Variants in KCNMA1 observed in about 807,000 individuals in gnomAD.
KCNMA1 encodes Calcium-activated potassium channel subunit alpha-1.
A neutral mutation model predicts 140.0 loss-of-function variants in KCNMA1; 29 were observed. The observed-to-expected ratio is 0.21, with a 90% CI of 0.15 to 0.28. The LOEUF is 0.28. Among genes scored for constraint, KCNMA1 ranks in the 10% least tolerant of loss-of-function variants. The pLI, the probability that KCNMA1 is intolerant of heterozygous loss-of-function variation, is 1.00. For synonymous variants in KCNMA1, 612 were observed against 611.9 expected (o/e 1.00, Z 0.00); for missense variants, 880 against 1,602.2 (o/e 0.55, Z 7.70).
chr10:76,961,093 A>G (rs1035512206), intron 20 of KCNMA1, among the ~76,000 whole-genome samples: 2 of 151,562 alleles, frequency 1.3e-5, no homozygotes, highest in Non-Finnish European at 2.9e-5. Flanking sequence ...TGCCATAGTG[A>G]TTCCTTTGAT....
At chr10:77,177,524 T>C (rs1259846576) in intron 5 of KCNMA1, among the ~76,000 whole-genome samples, 1 of 151,868 alleles carries the variant, frequency 6.6e-6, no homozygotes, top group Non-Finnish European at 1.5e-5. Context: ...TTCTTTTCTT[T>C]AGCAGGGTCT....
chr10:76,971,566 G>T (rs1406504216), intron 19 of KCNMA1, among the ~76,000 whole-genome samples: 2 of 152,102 alleles, frequency 1.3e-5, no homozygotes, highest in Non-Finnish European at 2.9e-5. Context: ...GTGGTGTAAG[G>T]TGAGAGTGAG....
downstream of KCNMA1, among the ~76,000 whole-genome samples, chr10:76,881,547 T>G (rs1330101668): frequency 6.6e-6 from 1 of 152,140 alleles, no homozygotes; most frequent in Non-Finnish European, 1.5e-5. Flanking sequence ...CTGAAGCTGT[T>G]GTGAGGATTG....
chr10:77,636,300 C>T, intron 1 of KCNMA1: 2 of 1,493,646 alleles, frequency 1.3e-6, no homozygotes, highest in Non-Finnish European at 8.9e-7. Flanking sequence ...TCTAGGGACA[C>T]GACTACAGAC....
chr10:77,069,836 G>A (rs1201547213), intron 14 of KCNMA1, among the ~76,000 whole-genome samples: 3 of 151,958 alleles, frequency 2.0e-5, no homozygotes, highest in Non-Finnish European at 2.9e-5. Context: ...TTTTGGAGAC[G>A]GGGTCTTCTT....
At chr10:77,054,222 C>T (rs2095469899) in intron 14 of KCNMA1, among the ~76,000 whole-genome samples, 1 of 152,122 alleles carries the variant, frequency 6.6e-6, no homozygotes, top group Non-Finnish European at 1.5e-5. Flanking sequence ...CCTCTCTAGC[C>T]TATTTAAGGA....
At chr10:77,219,601 TTTG>T (rs977490405) in intron 3 of KCNMA1, among the ~76,000 whole-genome samples, 1 of 152,272 alleles carries the variant, frequency 6.6e-6, no homozygotes, top group African/African-American at 2.4e-5. Flanking sequence ...TCAAATGTCC[TTTG>T]TTGTTGTTGT....
chr10:77,071,736 G>A (rs1284174768), intron 14 of KCNMA1: 1 of 152,168 alleles, frequency 6.6e-6, no homozygotes, highest in Non-Finnish European at 1.5e-5. Context: ...GAGCATAGGA[G>A]GATTTTTTAA....
At chr10:77,157,358 T>C (rs2098499868) in intron 5 of KCNMA1, among the ~76,000 whole-genome samples, 1 of 152,182 alleles carries the variant, frequency 6.6e-6, no homozygotes, top group African/African-American at 2.4e-5. Context: ...AAGTTCATTT[T>C]ATATAAATTT....
At chr10:77,084,797 A>G in intron 11 of KCNMA1, 78 bp from the exon 12 acceptor site, 1 of 1,000,872 alleles carries the variant, frequency 1.0e-6, no homozygotes, top group Non-Finnish European at 1.6e-6. Flanking sequence ...CTCTGTTGAC[A>G]GCTTCTTGGG....
intron 9 of KCNMA1, among the ~76,000 whole-genome samples, chr10:77,106,307 G>A (rs902700776): frequency 1.3e-5 from 2 of 152,060 alleles, no homozygotes; most frequent in East Asian, 1.9e-4. Context: ...GGCTAAAAGC[G>A]GTGATAAAAG....
intron 1 of KCNMA1, among the ~76,000 whole-genome samples, chr10:77,606,860 A>C (rs2084741566): frequency 6.6e-6 from 1 of 152,036 alleles, no homozygotes; most frequent in Admixed American, 6.6e-5. Context: ...ACACCATACA[A>C]AGAACCCCTC....
intron 2 of KCNMA1, among the ~76,000 whole-genome samples, chr10:77,307,951 A>C (rs2078240088): frequency 6.6e-6 from 1 of 152,186 alleles, no homozygotes; most frequent in South Asian, 2.1e-4. Context: ...GCTTAGATTC[A>C]ATTTGGAATC....
chr10:77,636,128 T>G, intron 1 of KCNMA1: 1 of 1,124,614 alleles, frequency 8.9e-7, no homozygotes, highest in Middle Eastern at 3.2e-4. Flanking sequence ...TTCCCTTCCC[T>G]CCAAAACGGT....
intron 1 of KCNMA1, among the ~76,000 whole-genome samples, chr10:77,453,817 G>A (rs905426424): frequency 1.3e-5 from 2 of 152,172 alleles, no homozygotes; most frequent in African/African-American, 2.4e-5. Context: ...AGGTGGGGGA[G>A]AGAAACACCC....
At chr10:77,268,914 G>A (rs1278627197) in intron 2 of KCNMA1, among the ~76,000 whole-genome samples, 1 of 152,136 alleles carries the variant, frequency 6.6e-6, no homozygotes, top group East Asian at 1.9e-4. Context: ...GTCTCCAGGA[G>A]ACGCTGCACC....
intron 3 of KCNMA1, among the ~76,000 whole-genome samples, chr10:77,210,673 T>TAA (rs2045765160): frequency 6.6e-6 from 1 of 152,164 alleles, no homozygotes; most frequent in Admixed American, 6.6e-5. Flanking sequence ...CCCTAAAGAT[T>TAA]CTTATAAAAG....
At chr10:77,030,467 G>C (rs980127749) in intron 15 of KCNMA1, among the ~76,000 whole-genome samples, 2 of 152,162 alleles carry the variant, frequency 1.3e-5, no homozygotes, top group East Asian at 3.9e-4. Flanking sequence ...AAAAACATCA[G>C]GGAGAAGGCT....
intron 13 of KCNMA1, among the ~76,000 whole-genome samples, chr10:77,074,236 T>C (rs1180141900): frequency 6.6e-6 from 1 of 152,110 alleles, no homozygotes; most frequent in African/African-American, 2.4e-5. Context: ...AACTAAAACC[T>C]CAAATTTTAG....
Sources: gnomAD v4.1 joint callset for allele counts (sites outside exome capture counted in the v4.1 genomes callset) on GRCh38, gnomAD v4.1.1 for gene constraint, MANE v1.5 for transcripts, NCBI Gene and HGNC (gene_info 2026-07-23, HGNC 2026-07-21) for gene names.